C1orf94: variants seen among roughly 807,000 people sequenced by gnomAD.
C1orf94 encodes chromosome 1 open reading frame 94.
C1orf94 carries 45 observed loss-of-function variants against 53.6 expected under a neutral mutation model. The ratio of observed to expected loss-of-function variants is 0.84; its 90% CI spans 0.66 to 1.08. The LOEUF is 1.08. Among genes scored for constraint, C1orf94 ranks in the 50% least tolerant of loss-of-function variants. C1orf94 has a pLI of 0.00. For missense variants in C1orf94, 762 were observed against 738.9 expected (o/e 1.03, Z -0.36); for synonymous variants, 304 against 296.1 (o/e 1.03, Z -0.27).
At position 34,200,793 on chromosome 1, in the gene C1orf94, A is replaced by G. The variant is rs777055529; in HGVS notation, c.1031A>G (p.Glu344Gly). Residue 344 changes from glutamate (E) to glycine (G), a missense_variant, in exon 3 of 7, where the codon GAG (glutamate) becomes GGG (glycine). Transcript: ENST00000488417. ...HLMEWSPGTK[E>G]PKKGQGSLFL... ...ACAGAATGGAGCCCTGGCACCAAGG[A>G]GCCAAAAAAGGGTCAAGGGAGCCTC... is the stretch of plus-strand genomic sequence containing the variant. The G allele has an allele frequency of 4.3e-6, 7 of 1,613,986 alleles. No homozygotes were observed. The South Asian group carries it at 7.7e-5, about 18-fold the overall frequency.
Position 34,178,039 on chromosome 1 carries a change from A to G in C1orf94, c.250A>G (p.Thr84Ala), listed in dbSNP as rs1642256608. The change falls in exon 1 of 7, where the codon ACC becomes GCC. Residue 84 changes from threonine (T) to alanine (A), a missense_variant. By Grantham distance (58) the Thr-to-Ala change is moderately conservative. Transcript: ENST00000488417. The part of the protein sequence containing the change: ...QGLPEASQPW[T>A]SMEQLSVPVV... ...CCTGCCTGAGGCCTCACAGCCCTGG[A>G]CCTCCATGGAGCAGCTCTCTGTCCC... 1 of 1,551,544 alleles carries G rather than the reference A, an allele frequency of 6.4e-7. No individual in the cohort carries two copies. The highest frequency in any genetic ancestry group is 2.0e-5 in the Admixed American group (1 of 50,986).
chr1:34,196,294 C>G (rs1642578968), intron 1 of C1orf94, among the ~76,000 whole-genome samples: 1 of 152,174 alleles, frequency 6.6e-6, no homozygotes, highest in South Asian at 2.1e-4. Context: ...CAGACAGGTG[C>G]AGACCAGCAA....
upstream of C1orf94, among the ~76,000 whole-genome samples, chr1:34,172,150 G>T (rs575115101): frequency 5.9e-5 from 9 of 152,338 alleles, no homozygotes; most frequent in South Asian, 4.2e-4. Flanking sequence ...GGAATCCTTG[G>T]CATACCTATC....
Position 34,199,498 on chromosome 1 carries a change from C to T in C1orf94, c.1010-1274C>T, listed in dbSNP as rs149054858. ...AGTGCTAGGAAGACAGCCTTAGCCC[C>T]GAAGCTCAGCCCCCAAGCCGCTGGG... On this transcript the variant is annotated intron_variant, in intron 2 of 6. Coordinates refer to ENST00000488417, the MANE Select transcript of C1orf94 (RefSeq NM_001134734.2). 6.2e-3 allele frequency among the ~76,000 whole-genome samples: 946 copies of T among 152,278 alleles called. 9 individuals carry two copies. Among genetic ancestry groups the T allele is most frequent in the African/African-American group, 0.021 (891 of 41,562 alleles).
At position 34,178,119 on chromosome 1, in the gene C1orf94, C is replaced by G; in HGVS notation, c.320+10C>G. ...TCAGCTTTCAAGAAGAGTAAGTACC[C>G]CCCTACTCCATTGGCAGCAAGGGAG... is the stretch of plus-strand genomic sequence containing the variant. On this transcript the variant is annotated intron_variant, in intron 1 of 6. Transcript: ENST00000488417. 6.5e-7 allele frequency: 1 copy of G among 1,547,358 alleles called. No homozygotes were observed. The highest frequency in any genetic ancestry group is 8.7e-7 in the Non-Finnish European group (1 of 1,143,922).
chr1:34,176,089 C>A (rs922842902), upstream of C1orf94, among the ~76,000 whole-genome samples: 5 of 152,058 alleles, frequency 3.3e-5, no homozygotes, highest in African/African-American at 1.2e-4. Flanking sequence ...CCTTATGCTT[C>A]TTCAGTGCCC....
intron 5 of C1orf94, among the ~76,000 whole-genome samples, chr1:34,211,870 G>A (rs926939315): frequency 2.0e-5 from 3 of 152,026 alleles, no homozygotes; most frequent in Non-Finnish European, 4.4e-5. Context: ...ATTGACAGAG[G>A]GAAAAGCTAG....
intron 1 of C1orf94, among the ~76,000 whole-genome samples, chr1:34,170,785 A>T (rs552047475): frequency 6.6e-6 from 1 of 151,474 alleles, no homozygotes; most frequent in Non-Finnish European, 1.5e-5. Flanking sequence ...CAGCTCCCCA[A>T]TTCAGGGAAC....
chr1:34,197,101 G>T lies in C1orf94; in HGVS notation c.321-124G>T. On this transcript the variant is annotated intron_variant, in intron 1 of 6. Coordinates refer to ENST00000488417, the MANE Select transcript of C1orf94 (RefSeq NM_001134734.2). The surrounding 1 kb of genome is among the most constrained non-coding windows in gnomAD (Gnocchi z 4.1). ...TCCAGTGTGTCTGCTGGGTTATCTT[G>T]CCTGGAAGTGTGTTTTTGTCATGTT... 1.2e-6 allele frequency: 1 copy of T among 864,360 alleles called. No homozygotes were observed. Among genetic ancestry groups the T allele is most frequent in the Non-Finnish European group, 1.8e-6 (1 of 566,938 alleles). 53.5% of individuals were successfully genotyped at this position (864,360 alleles called of 1,614,324 possible).
At position 34,200,937 on chromosome 1, in the gene C1orf94, A is replaced by AGAACT. The variant is rs754760756; in HGVS notation, c.1176_1180dup (p.Leu394Ter). 1.8e-5 allele frequency: 29 copies of AGAACT among 1,614,022 alleles called. No individual in the cohort carries two copies. The highest frequency in any genetic ancestry group is 2.4e-5 in the Non-Finnish European group (28 of 1,180,030). ...AAGAAACCTACATGTCCAGCCGAGAAGAACTTGCTCTATGAGTTCCTTGGG... is the reference window on the plus strand; with the variant it reads ...AAGAAACCTACATGTCCAGCCGAGAAGAACTGAACTTGCTCTATGAGTTCCTTGGG... On this transcript the variant is annotated frameshift_variant, in exon 3 of 7. Transcript: ENST00000488417. LOFTEE classifies it high-confidence loss of function.
At chr1:34,190,320 C>T (rs1642461726) in intron 1 of C1orf94, among the ~76,000 whole-genome samples, 2 of 152,188 alleles carry the variant, frequency 1.3e-5, no homozygotes, top group African/African-American at 2.4e-5. Context: ...CAGTGGTTTC[C>T]CTGTGCCTTT....
At chr1:34,200,183 G>C (rs994957628) in intron 2 of C1orf94, among the ~76,000 whole-genome samples, 7 of 152,216 alleles carry the variant, frequency 4.6e-5, no homozygotes, top group African/African-American at 1.7e-4. Context: ...TCCAGAATGA[G>C]AGACCAAAGT....
intron 5 of C1orf94, among the ~76,000 whole-genome samples, chr1:34,209,551 A>G (rs1017033210): frequency 2.0e-5 from 3 of 152,086 alleles, no homozygotes; most frequent in African/African-American, 7.2e-5. Flanking sequence ...GGACACCCCC[A>G]CACTCCAACT....
Position 34,218,873 on chromosome 1 carries a change from G to C in C1orf94, c.*112G>C, listed in dbSNP as rs1312818758. 2 of 853,210 alleles carry C rather than the reference G, an allele frequency of 2.3e-6. No individual in the cohort carries two copies. The highest frequency in any genetic ancestry group is 3.4e-5 in the African/African-American group (2 of 58,536). 52.9% of individuals were successfully genotyped at this position (853,210 alleles called of 1,614,324 possible). A position where few individuals can be genotyped will look rare whatever the true frequency, so the allele number is the denominator to read the frequency against. ...GTTTGGAAAAGCAAGGTTCTGACCAGGTCACAGACAAAACAGCAAGACCAG... is the reference window on the plus strand; with the variant it reads ...GTTTGGAAAAGCAAGGTTCTGACCACGTCACAGACAAAACAGCAAGACCAG... On this transcript the variant is annotated 3_prime_UTR_variant, in exon 7 of 7. Transcript: ENST00000488417.
At chr1:34,188,694 A>G (rs1310042890) in intron 1 of C1orf94, among the ~76,000 whole-genome samples, 1 of 152,122 alleles carries the variant, frequency 6.6e-6, no homozygotes, top group Non-Finnish European at 1.5e-5. Flanking sequence ...CACATTCATC[A>G]TCTCACTTAA....
chr1:34,206,319 C>A (rs1255253144), intron 4 of C1orf94, among the ~76,000 whole-genome samples: 2 of 152,120 alleles, frequency 1.3e-5, no homozygotes, highest in Non-Finnish European at 2.9e-5. Context: ...CAGTGCTGTA[C>A]CTGAGGGAGA....
At chr1:34,196,939 A>T (rs977390227) in intron 1 of C1orf94, among the ~76,000 whole-genome samples, 1 of 152,130 alleles carries the variant, frequency 6.6e-6, no homozygotes. Context: ...AATGGACTAG[A>T]ATTAAGGCTC....
At chr1:34,202,001 C>A in intron 3 of C1orf94, 83 bp from the exon 4 acceptor site, 1 of 1,424,554 alleles carries the variant, frequency 7.0e-7, no homozygotes, top group Non-Finnish European at 9.7e-7. Context: ...CTGTGAATCC[C>A]TAAGGAAGTT....
intron 1 of C1orf94, among the ~76,000 whole-genome samples, chr1:34,181,030 C>T (rs2148611897): frequency 6.6e-6 from 1 of 152,266 alleles, no homozygotes; most frequent in African/African-American, 2.4e-5. Flanking sequence ...CCCTTTGCTG[C>T]CCCTTCCCTT....
Sources: allele counts gnomAD v4.1 joint callset (sites outside exome capture counted in the v4.1 genomes callset), GRCh38; gene constraint gnomAD v4.1.1; non-coding constraint Gnocchi (gnomAD v3.1); transcripts MANE v1.5; gene names NCBI Gene and HGNC (gene_info 2026-07-23, HGNC 2026-07-21).